SV2C: variants seen among roughly 807,000 people sequenced by gnomAD.
The protein encoded by SV2C is synaptic vesicle glycoprotein 2C, also known as solute carrier family 22 member B3.
In SV2C, 49 loss-of-function variants were observed where a neutral mutation model predicts 79.7. The ratio of observed to expected loss-of-function variants is 0.61; its 90% confidence interval spans 0.49 to 0.78. The LOEUF is 0.78. Ranked by LOEUF, SV2C falls within the 30% of genes least tolerant of loss-of-function variation. The probability of loss-of-function intolerance (pLI) is 0.00; values close to 1 mark genes in which losing one functional copy is unlikely to be tolerated. For synonymous variants in SV2C, 334 were observed against 333.2 expected, an observed-to-expected ratio of 1.00 and a Z score of -0.03; for missense variants, 833 against 912.9, an observed-to-expected ratio of 0.91 and a Z score of 1.13.
chr5:76,175,914 C>T lies in SV2C; in HGVS notation c.581-19005C>T, dbSNP rs561335005. Among the ~76,000 whole-genome samples the T allele has an allele frequency of 3.3e-5, 5 of 152,184 alleles. No homozygotes were observed. In the South Asian group the frequency reaches 8.3e-4, roughly 25 times the overall value. On this transcript the variant is annotated intron_variant, in intron 2 of 12. Transcript: ENST00000502798. ...CCCCACTGCACTCTGTCAGAATCTC[C>T]GCATGGGGATGGGTCAGGTTGCAGA...
chr5:76,336,420 G>A (rs1749326622), downstream of SV2C, among the ~76,000 whole-genome samples: 1 of 151,812 alleles, frequency 6.6e-6, no homozygotes, highest in Admixed American at 6.5e-5. Flanking sequence ...TGGGCAGCCA[G>A]GCAGAGGGGC....
chr5:76,339,066 GC>G (rs1486657941), intron 12 of SV2C, among the ~76,000 whole-genome samples: 1 of 152,072 alleles, frequency 6.6e-6, no homozygotes, highest in Non-Finnish European at 1.5e-5. Flanking sequence ...ATGAGTTTGA[GC>G]AGGGTCACCT....
At chr5:76,141,080 C>T (rs928917823) in intron 2 of SV2C, among the ~76,000 whole-genome samples, 5 of 152,192 alleles carry the variant, frequency 3.3e-5, no homozygotes, top group Admixed American at 1.3e-4. Context: ...TTCAAATTCT[C>T]CTGGGAGGAG....
At chr5:75,944,427 A>G in the SV2C span, among the ~76,000 whole-genome samples, 8 of 152,196 alleles carry the variant, frequency 5.3e-5, no homozygotes, top group African/African-American at 1.9e-4. Flanking sequence ...AAAAATTTTT[A>G]TTACAAAAAT....
the SV2C span, among the ~76,000 whole-genome samples, chr5:76,019,030 C>T: frequency 6.6e-6 from 1 of 152,148 alleles, no homozygotes; most frequent in South Asian, 2.1e-4. Flanking sequence ...CACCTTTTCA[C>T]CTCCCTCCTG....
At chr5:75,981,085 A>G in the SV2C span, among the ~76,000 whole-genome samples, 1 of 152,192 alleles carries the variant, frequency 6.6e-6, no homozygotes, top group Non-Finnish European at 1.5e-5. Flanking sequence ...TCAAGCCAAG[A>G]GCCAAATCAG....
the SV2C span, among the ~76,000 whole-genome samples, chr5:75,937,100 A>T: frequency 6.6e-6 from 1 of 152,250 alleles, no homozygotes; most frequent in South Asian, 2.1e-4. Flanking sequence ...GTATTTAGCA[A>T]TTTAAGACAT....
the SV2C span, among the ~76,000 whole-genome samples, chr5:75,959,331 A>T: frequency 1.3e-5 from 2 of 151,940 alleles, no homozygotes; most frequent in Non-Finnish European, 2.9e-5. Flanking sequence ...TCGTTTATTC[A>T]GTGTTTCTTC....
At chr5:75,946,181 A>G in the SV2C span, among the ~76,000 whole-genome samples, 4 of 152,144 alleles carry the variant, frequency 2.6e-5, no homozygotes, top group Non-Finnish European at 4.4e-5. Context: ...TAGAAGACAC[A>G]TACTGCAAAC....
chr5:76,080,832 G>T (rs1746974900), upstream of SV2C, among the ~76,000 whole-genome samples: 1 of 152,162 alleles, frequency 6.6e-6, no homozygotes, highest in African/African-American at 2.4e-5. Context: ...TTTCAGAAGA[G>T]AGAAAACATT....
chr5:76,228,409 C>A (rs7446136), intron 4 of SV2C, among the ~76,000 whole-genome samples: 1 of 152,144 alleles, frequency 6.6e-6, no homozygotes, highest in Admixed American at 6.5e-5. Flanking sequence ...GGAGAGGCTT[C>A]AGAAAATCAG....
intron 4 of SV2C, among the ~76,000 whole-genome samples, chr5:76,229,324 G>C (rs1745344777): frequency 6.6e-6 from 1 of 152,226 alleles, no homozygotes; most frequent in South Asian, 2.1e-4. Context: ...GATAGGATTT[G>C]CTCTCAGGTT....
the SV2C span, among the ~76,000 whole-genome samples, chr5:75,855,336 C>G: frequency 1.3e-5 from 2 of 152,058 alleles, no homozygotes; most frequent in East Asian, 3.8e-4. Context: ...AAATACAATT[C>G]ATTGTTACAC....
intron 12 of SV2C, among the ~76,000 whole-genome samples, chr5:76,339,631 G>C (rs759800823): frequency 6.6e-6 from 1 of 151,448 alleles, no homozygotes; most frequent in African/African-American, 2.4e-5. Flanking sequence ...GGAGAATGGC[G>C]TGAACCTGGG....
the SV2C span, among the ~76,000 whole-genome samples, chr5:75,908,238 G>A: frequency 6.6e-6 from 1 of 152,176 alleles, no homozygotes; most frequent in Non-Finnish European, 1.5e-5. Flanking sequence ...TCTGTCTCTA[G>A]GATTTGCCTG....
At chr5:76,021,889 G>T in the SV2C span, among the ~76,000 whole-genome samples, 3 of 152,090 alleles carry the variant, frequency 2.0e-5, no homozygotes, top group Admixed American at 6.6e-5. Flanking sequence ...GTGAGTAAAA[G>T]TTACTTCATC....
chr5:76,110,330 G>A (rs915372864), intron 1 of SV2C, among the ~76,000 whole-genome samples: 2 of 152,178 alleles, frequency 1.3e-5, no homozygotes, highest in Non-Finnish European at 2.9e-5. Context: ...TTGGGAAGTG[G>A]ATGGCTTGGA....
intron 4 of SV2C, among the ~76,000 whole-genome samples, chr5:76,235,643 G>A (rs1238378512): frequency 6.6e-6 from 1 of 151,978 alleles, no homozygotes; most frequent in African/African-American, 2.4e-5. Context: ...AAAATCCCAG[G>A]CTATCGATTT....
chr5:76,048,971 G>GA, the SV2C span, among the ~76,000 whole-genome samples: 1 of 63,336 alleles, frequency 1.6e-5, no homozygotes, highest in East Asian at 9.6e-4. Context: ...AAAAGAGAAA[G>GA]AAAGAAAGAA....
Sources: gnomAD v4.1 joint callset for allele counts (sites outside exome capture counted in the v4.1 genomes callset) on GRCh38, gnomAD v4.1.1 for gene constraint, MANE v1.5 for transcripts, NCBI Gene and HGNC (gene_info 2026-07-23, HGNC 2026-07-21) for gene names.